Variants in SNTG1 observed in about 807,000 individuals in gnomAD.
The protein encoded by SNTG1 is syntrophin gamma 1.
Under a neutral mutation model 74.7 loss-of-function variants are expected in SNTG1, and 39 were observed. The observed-to-expected ratio is 0.52, with a 90% CI of 0.40 to 0.68. The LOEUF is 0.68. SNTG1 is among the 30% of genes least tolerant of loss of function. The pLI is 0.00. For missense variants in SNTG1, 685 were observed against 609.5 expected (o/e 1.12, Z -1.30); for synonymous variants, 254 against 217.1 (o/e 1.17, Z -1.49).
chr8:50,756,277 G>A (rs773035462), intron 18 of SNTG1, among the ~76,000 whole-genome samples: 5 of 151,740 alleles, frequency 3.3e-5, no homozygotes, highest in African/African-American at 1.2e-4. Flanking sequence ...TTTATCAGTC[G>A]TTTCTTTTGT....
At chr8:50,643,064 A>AAAC (rs2095084253) in intron 13 of SNTG1, among the ~76,000 whole-genome samples, 1 of 152,158 alleles carries the variant, frequency 6.6e-6, no homozygotes, top group Non-Finnish European at 1.5e-5. Flanking sequence ...GCAAAAAAAC[A>AAAC]AACAACCTTG....
intron 12 of SNTG1, among the ~76,000 whole-genome samples, chr8:50,556,896 T>G (rs959380903): frequency 6.6e-5 from 10 of 152,140 alleles, no homozygotes; most frequent in Non-Finnish European, 1.2e-4. Flanking sequence ...CAGTACATTC[T>G]AACCCACACT....
In SNTG1 at chr8:50,294,336, G is replaced by C. The variant is rs16914667; in HGVS notation, c.-27-99876G>C. On this transcript the variant is annotated intron_variant, in intron 2 of 18. Transcript: ENST00000642720. ...AAAAAGGCTCAGGAGTCATCCAACAGCTTCAAAGTATTCTTAAGCTTTCTA... is the reference window on the plus strand; with the variant it reads ...AAAAAGGCTCAGGAGTCATCCAACACCTTCAAAGTATTCTTAAGCTTTCTA... Among the ~76,000 whole-genome samples the C allele has an allele frequency of 5.4e-3, 820 of 152,262 alleles. 11 individuals are homozygous for C. Among genetic ancestry groups the C allele is most frequent in the African/African-American group, 0.019 (786 of 41,556 alleles).
rs10106006 is a variant in SNTG1, at chr8:50,285,074, G to A, written c.-27-109138G>A. Reference sequence around the variant, plus strand: ...CATTGAATTAAGAAGTAGATGAGAAGGTATCTAGAAGATAAAGAACAGCAA... The same window carrying A: ...CATTGAATTAAGAAGTAGATGAGAAAGTATCTAGAAGATAAAGAACAGCAA... On this transcript the variant is annotated intron_variant, in intron 2 of 18. Coordinates refer to ENST00000642720, the MANE Select transcript of SNTG1 (RefSeq NM_018967.5). Among the ~76,000 whole-genome samples the A allele has an allele frequency of 5.9e-3, 903 of 152,108 alleles. 8 individuals carry two copies. Among genetic ancestry groups the A allele is most frequent in the African/African-American group, 0.021 (851 of 41,498 alleles).
intron 15 of SNTG1, among the ~76,000 whole-genome samples, chr8:50,699,442 T>C (rs1340435945): frequency 6.6e-6 from 1 of 152,148 alleles, no homozygotes; most frequent in Non-Finnish European, 1.5e-5. Context: ...AAAGTGTGAT[T>C]GTCTACACAC....
At chr8:50,465,406 T>C (rs1257593118) in intron 8 of SNTG1, among the ~76,000 whole-genome samples, 1 of 152,196 alleles carries the variant, frequency 6.6e-6, no homozygotes, top group East Asian at 1.9e-4. Flanking sequence ...AAGATTCTCT[T>C]GTCACATTCT....
At chr8:50,748,117 T>C (rs1376857890) in intron 17 of SNTG1, among the ~76,000 whole-genome samples, 2 of 152,050 alleles carry the variant, frequency 1.3e-5, no homozygotes, top group South Asian at 2.1e-4. Context: ...ATGGAGACCA[T>C]GGGTAATGTC....
chr8:50,714,348 C>T (rs1465944465), intron 17 of SNTG1, among the ~76,000 whole-genome samples: 1 of 151,716 alleles, frequency 6.6e-6, no homozygotes, highest in East Asian at 1.9e-4. Context: ...TGAAATTTGA[C>T]CTCTTCAAGG....
intron 18 of SNTG1, among the ~76,000 whole-genome samples, chr8:50,772,416 T>G (rs996684670): frequency 6.6e-6 from 1 of 152,142 alleles, no homozygotes; most frequent in Non-Finnish European, 1.5e-5. Flanking sequence ...TAGTTTTCCC[T>G]TTTAGAATAG....
At chr8:50,055,927 G>A (rs182193477) in intron 1 of SNTG1, among the ~76,000 whole-genome samples, 12 of 151,982 alleles carry the variant, frequency 7.9e-5, no homozygotes, top group Admixed American at 7.9e-4. Flanking sequence ...CTTTTTATTG[G>A]AAACAATGGA....
chr8:50,043,308 A>G (rs1234160185), intron 1 of SNTG1, among the ~76,000 whole-genome samples: 2 of 152,222 alleles, frequency 1.3e-5, no homozygotes, highest in African/African-American at 4.8e-5. Flanking sequence ...CATACAGAGA[A>G]CCCAAATGCT....
At chr8:50,405,847 C>A (rs1014195228) in intron 4 of SNTG1, among the ~76,000 whole-genome samples, 2 of 152,034 alleles carry the variant, frequency 1.3e-5, no homozygotes, top group Admixed American at 6.6e-5. Flanking sequence ...CAACTTCATT[C>A]TTTAGCATTT....
At chr8:50,226,758 T>C (rs2085349650) in intron 2 of SNTG1, among the ~76,000 whole-genome samples, 1 of 152,182 alleles carries the variant, frequency 6.6e-6, no homozygotes, top group African/African-American at 2.4e-5. Flanking sequence ...CTGAAATATA[T>C]GAAACCAAGT....
At chr8:50,498,535 T>C (rs112546967) in intron 8 of SNTG1, among the ~76,000 whole-genome samples, 2,099 of 152,020 alleles carry the variant, frequency 0.014, 36 homozygotes, top group Non-Finnish European at 0.02. Flanking sequence ...AAATATTTTC[T>C]CAAAGTTTGT....
intron 4 of SNTG1, among the ~76,000 whole-genome samples, chr8:50,430,136 T>A (rs373334215): frequency 6.6e-6 from 1 of 152,190 alleles, no homozygotes; most frequent in South Asian, 2.1e-4. Flanking sequence ...ACAGCAGCTT[T>A]ATTCACAGTA....
intron 2 of SNTG1, among the ~76,000 whole-genome samples, chr8:50,207,763 G>T (rs908549190): frequency 4.6e-5 from 7 of 152,110 alleles, no homozygotes; most frequent in African/African-American, 9.7e-5. Flanking sequence ...CTGGTATGTT[G>T]TGTCTTTGTT....
At chr8:50,456,324 T>G (rs564052344) in intron 8 of SNTG1, among the ~76,000 whole-genome samples, 1 of 152,236 alleles carries the variant, frequency 6.6e-6, no homozygotes, top group South Asian at 2.1e-4. Context: ...CAAAGCTCCA[T>G]CTAGTCCATC....
intron 1 of SNTG1, among the ~76,000 whole-genome samples, chr8:49,987,468 C>A (rs1408048270): frequency 6.6e-6 from 1 of 151,994 alleles, no homozygotes. Context: ...AATCTGTTTC[C>A]AAAATCTATT....
intron 1 of SNTG1, among the ~76,000 whole-genome samples, chr8:49,997,573 A>G (rs962681675): frequency 6.6e-6 from 1 of 152,102 alleles, no homozygotes; most frequent in African/African-American, 2.4e-5. Context: ...TTATGTTGCT[A>G]AAACAATAAA....
Sources: allele counts gnomAD v4.1 joint callset (sites outside exome capture counted in the v4.1 genomes callset), GRCh38; gene constraint gnomAD v4.1.1; transcripts MANE v1.5; gene names NCBI Gene and HGNC (gene_info 2026-07-23, HGNC 2026-07-21).